The following TMEM242 variants were observed in gnomAD, a reference collection of about 807,000 sequenced individuals.
TMEM242 encodes the protein UPF0463 transmembrane protein C6orf35.
A neutral mutation model predicts 18.2 loss-of-function variants in TMEM242; 10 were observed. That is an observed-to-expected ratio of 0.55 (90% CI 0.34 to 0.93). TMEM242 has a LOEUF of 0.93. TMEM242 is among the 40% of genes least tolerant of loss of function. The pLI, the probability that TMEM242 is intolerant of heterozygous loss-of-function variation, is 0.02. For missense variants in TMEM242, 186 were observed against 175.5 expected (o/e 1.06, Z -0.34); for synonymous variants, 57 against 69.9 (o/e 0.81, Z 0.92).
At chr6:157,322,089 T>C (rs782195533) in intron 2 of TMEM242, among the ~76,000 whole-genome samples, 2 of 152,320 alleles carry the variant, frequency 1.3e-5, no homozygotes, top group African/African-American at 4.8e-5. Context: ...TTTTCCTCCA[T>C]AGCACACATC....
chr6:157,312,479 C>G (rs1583569093), intron 3 of TMEM242, among the ~76,000 whole-genome samples: 3 of 139,972 alleles, frequency 2.1e-5, no homozygotes, highest in African/African-American at 5.4e-5. Flanking sequence ...CTCACCTAGC[C>G]TCATCATAGT....
intron 3 of TMEM242, among the ~76,000 whole-genome samples, chr6:157,313,083 C>A (rs1554249604): frequency 3.1e-4 from 30 of 98,172 alleles, no homozygotes; most frequent in East Asian, 1.2e-3. Flanking sequence ...AGTATGCACT[C>A]ACCTGGCCTC....
chr6:157,292,952 G>A lies in TMEM242; in HGVS notation c.375C>T (p.Pro125=), dbSNP rs782384034. ...ACTCAACAGCCGATTCGGAGTTCTT[G>A]GGAATTGTTGGAAATATTGATTGCA... ...SKMQSIFPTI[P]KNSESAVEWE... The change falls in exon 4 of 4, where the codon CCC becomes CCT. Residue 125 remains proline (P), a synonymous_variant. Transcript: ENST00000400788. 3 of 1,613,600 alleles carry A rather than the reference G, an allele frequency of 1.9e-6. No homozygotes were observed. Among genetic ancestry groups the A allele is most frequent in the Non-Finnish European group, 2.5e-6 (3 of 1,179,662 alleles).
At chr6:157,307,140 A>T (rs1300199927) in intron 3 of TMEM242, among the ~76,000 whole-genome samples, 2 of 152,220 alleles carry the variant, frequency 1.3e-5, no homozygotes, top group Non-Finnish European at 2.9e-5. Flanking sequence ...AGCAAATGAT[A>T]TCAGGTCTCC....
intron 3 of TMEM242, among the ~76,000 whole-genome samples, chr6:157,294,089 C>T (rs1239130446): frequency 2.0e-5 from 3 of 152,120 alleles, no homozygotes; most frequent in Non-Finnish European, 2.9e-5. Context: ...CCACCTAAGG[C>T]GTACAACCCC....
At chr6:157,300,122 C>G in intron 3 of TMEM242, 1 of 623,414 alleles carries the variant, frequency 1.6e-6, no homozygotes, top group Non-Finnish European at 2.9e-6. Context: ...CACAGTCCAA[C>G]TCATGGCTGC....
At chr6:157,313,187 C>T (rs587612308) in intron 3 of TMEM242, among the ~76,000 whole-genome samples, 6 of 135,760 alleles carry the variant, frequency 4.4e-5, no homozygotes, top group Admixed American at 1.5e-4. Context: ...TGTGCGCTCA[C>T]CCGGCCTCAT....
rs782773514 is a variant in TMEM242, at chr6:157,292,982, ACT to A, written c.343_344del (p.Ser115Ter). 11 of 1,613,450 alleles carry A rather than the reference ACT, an allele frequency of 6.8e-6. No individual in the cohort carries two copies. The highest frequency in any genetic ancestry group is 8.5e-6 in the Non-Finnish European group (10 of 1,179,418). The part of the protein sequence containing the change: ...LGVHSMNDFR[S>X]KMQSIFPTIP... ...TTGTTGGAAATATTGATTGCATTTT[ACT>A]TCGAAAGTCGTTCATCTAAAAGAAG... On this transcript the variant is annotated frameshift_variant, in exon 4 of 4. Coordinates refer to ENST00000400788, the MANE Select transcript of TMEM242 (RefSeq NM_018452.6). LOFTEE classifies it high-confidence loss of function.
At chr6:157,309,252 G>A (rs1554248122) in intron 3 of TMEM242, among the ~76,000 whole-genome samples, 1 of 151,818 alleles carries the variant, frequency 6.6e-6, no homozygotes, top group African/African-American at 2.4e-5. Flanking sequence ...TAGGATTTCT[G>A]GTGATTTTTG....
chr6:157,318,776 A>T lies in TMEM242; in HGVS notation c.327+6T>A. 6.2e-7 allele frequency: 1 copy of T among 1,614,056 alleles called. No homozygotes were observed. ...AGATACCAGGGACAAGACAGTAGTT[A>T]CTTACACTGTGAACTCCTAAAGCTT... is the stretch of plus-strand genomic sequence containing the variant. On this transcript the variant is annotated splice_donor_region_variant and intron_variant, in intron 3 of 3. Transcript: ENST00000400788.
At chr6:157,296,989 G>T (rs782593572) in intron 3 of TMEM242, among the ~76,000 whole-genome samples, 1 of 152,214 alleles carries the variant, frequency 6.6e-6, no homozygotes, top group Non-Finnish European at 1.5e-5. Flanking sequence ...ACAGATTCAG[G>T]ATTATGCCTC....
chr6:157,313,413 G>C lies in TMEM242; in HGVS notation c.327+5369C>G, dbSNP rs1554249756. Among the ~76,000 whole-genome samples, 122 of 17,774 alleles carry C rather than the reference G, an allele frequency of 6.9e-3. 1 individual carries two copies. The highest frequency in any genetic ancestry group is 8.7e-3 in the Non-Finnish European group (68 of 7,798). 11.7% of individuals were successfully genotyped at this position (17,774 alleles called of 152,430 possible). A position where few individuals can be genotyped will look rare whatever the true frequency, so the allele number is the denominator to read the frequency against. ...TCACCGGGCCTTATTACAGTGTCCAGTGTGCGCTCACCTGGCCTCATCATA... is the reference window on the plus strand; with the variant it reads ...TCACCGGGCCTTATTACAGTGTCCACTGTGCGCTCACCTGGCCTCATCATA... On this transcript the variant is annotated intron_variant, in intron 3 of 3. Coordinates refer to ENST00000400788, the MANE Select transcript of TMEM242 (RefSeq NM_018452.6).
chr6:157,311,565 G>C (rs587721297), intron 3 of TMEM242, among the ~76,000 whole-genome samples: 51 of 100,824 alleles, frequency 5.1e-4, no homozygotes, highest in East Asian at 1.0e-3. Flanking sequence ...CGCTCACCTA[G>C]CCTCAACATA....
intron 3 of TMEM242, chr6:157,299,728 G>A: frequency 6.2e-7 from 1 of 1,604,516 alleles, no homozygotes; most frequent in South Asian, 1.1e-5. Context: ...CACCTTCTGT[G>A]ATAATCACTA....
Position 157,293,202 on chromosome 6 carries a change from A to G in TMEM242, c.328-203T>C, listed in dbSNP as rs369823635. ...ACTTCCTTTCTTCTTCTGAGTATAA[A>G]TTTATTAATAAATAACATAAAACTT... On this transcript the variant is annotated intron_variant, in intron 3 of 3. Transcript: ENST00000400788. 3.9e-4 allele frequency among the ~76,000 whole-genome samples: 59 copies of G among 152,280 alleles called. No individual in the cohort carries two copies. In the South Asian group the frequency reaches 0.012, roughly 32 times the overall value.
chr6:157,299,916 C>T (rs1554247398), intron 3 of TMEM242: 1 of 1,611,718 alleles, frequency 6.2e-7, no homozygotes, highest in East Asian at 2.2e-5. Flanking sequence ...CAGGCCATGC[C>T]CACCGATCCA....
intron 3 of TMEM242, among the ~76,000 whole-genome samples, chr6:157,313,418 C>T (rs1434309411): frequency 1.8e-4 from 4 of 22,746 alleles, no homozygotes; most frequent in African/African-American, 5.1e-4. Context: ...GTCCAGTGTG[C>T]GCTCACCTGG....
At chr6:157,312,652 A>C (rs1778206141) in intron 3 of TMEM242, among the ~76,000 whole-genome samples, 2 of 151,790 alleles carry the variant, frequency 1.3e-5, no homozygotes, top group Admixed American at 6.6e-5. Context: ...ACCCGGCCTC[A>C]TCATAGTGCC....
chr6:157,291,536 A>C lies in TMEM242; in HGVS notation c.*1365T>G, dbSNP rs1461266652. The C allele has an allele frequency of 6.6e-6, 1 of 152,222 alleles. No homozygotes were observed. The highest frequency in any genetic ancestry group is 2.4e-5 in the African/African-American group (1 of 41,462). The allele number at this position is 152,222 out of a possible 1,614,324, so 9.4% of individuals were successfully genotyped here. A position where few individuals can be genotyped will look rare whatever the true frequency, so the allele number is the denominator to read the frequency against. The stretch of plus-strand genomic sequence containing the variant: ...TCTTCTCAGAGGAGATTTAGTTACA[A>C]ATGAAAGGCAGTGAAGAGTTTTTGC... On this transcript the variant is annotated 3_prime_UTR_variant, in exon 4 of 4. Coordinates refer to ENST00000400788, the MANE Select transcript of TMEM242 (RefSeq NM_018452.6).
Sources: gnomAD v4.1 joint callset for allele counts (sites outside exome capture counted in the v4.1 genomes callset) on GRCh38, gnomAD v4.1.1 for gene constraint, MANE v1.5 for transcripts, NCBI Gene and HGNC (gene_info 2026-07-23, HGNC 2026-07-21) for gene names.